CCDC159: variants seen among roughly 807,000 people sequenced by gnomAD.
The protein encoded by CCDC159 is coiled-coil domain containing 159.
CCDC159 carries 40 observed loss-of-function variants against 50.9 expected under a neutral mutation model. That is an observed-to-expected ratio of 0.79 (90% CI 0.61 to 1.02). CCDC159 has a LOEUF of 1.02. Ranked by LOEUF, CCDC159 falls within the 50% of genes least tolerant of loss-of-function variation. The pLI is 0.00. For missense variants in CCDC159, 356 were observed against 371.5 expected (o/e 0.96, Z 0.34); for synonymous variants, 146 against 138.9 (o/e 1.05, Z -0.36).
chr19:11,351,010 G>C lies in CCDC159; in HGVS notation c.422+7G>C. 6.5e-7 allele frequency: 1 copy of C among 1,540,292 alleles called. No individual in the cohort carries two copies. The highest frequency in any genetic ancestry group is 8.8e-7 in the Non-Finnish European group (1 of 1,140,402). On this transcript the variant is annotated splice_region_variant and intron_variant, in intron 5 of 10. Transcript: ENST00000458408. ...CCCAGGAGATCCGGGACAGGTCGGG[G>C]ATGGCGGGAGGGCAGCTTGGAGTCC...
At position 11,346,549 on chromosome 19, in the gene CCDC159, G is replaced by A; in HGVS notation, c.-58G>A. 5 of 1,544,846 alleles carry A rather than the reference G, an allele frequency of 3.2e-6. No individual in the cohort carries two copies. The highest frequency in any genetic ancestry group is 4.4e-6 in the Non-Finnish European group (5 of 1,140,892). On this transcript the variant is annotated 5_prime_UTR_variant, in exon 1 of 11. The change creates a new upstream start codon in the 5' untranslated region. Transcript: ENST00000458408. ...AGTCTCTGAGCGTTTTAATACGATGGTGTCCCCGCGGGATCAAACTTCAGC... is the reference window on the plus strand; with the variant it reads ...AGTCTCTGAGCGTTTTAATACGATGATGTCCCCGCGGGATCAAACTTCAGC...
Position 11,351,163 on chromosome 19 carries a change from G to A in CCDC159, c.422+160G>A, listed in dbSNP as rs563616650. ...ACAAGAAGAGGGAATGAGGCCGGGT[G>A]TGGTGGCTCATGCCTGTAATCCCAG... On this transcript the variant is annotated intron_variant, in intron 5 of 10. Coordinates refer to ENST00000458408, the MANE Select transcript of CCDC159 (RefSeq NM_001080503.3). 7.6e-5 allele frequency: 57 copies of A among 748,146 alleles called. No individual in the cohort carries two copies. The South Asian group carries it at 8.1e-4, about 11-fold the overall frequency. The allele number at this position is 748,146 out of a possible 1,614,324, so 46.3% of individuals were successfully genotyped here. A position where few individuals can be genotyped will look rare whatever the true frequency, so the allele number is the denominator to read the frequency against.
At position 11,346,553 on chromosome 19, in the gene CCDC159, C is replaced by A; in HGVS notation, c.-54C>A. The stretch of plus-strand genomic sequence containing the variant: ...TCTGAGCGTTTTAATACGATGGTGT[C>A]CCCGCGGGATCAAACTTCAGCGTCA... On this transcript the variant is annotated 5_prime_UTR_variant, in exon 1 of 11. Transcript: ENST00000458408. The A allele has an allele frequency of 6.5e-7, 1 of 1,546,772 alleles. No individual in the cohort carries two copies. The highest frequency in any genetic ancestry group is 8.8e-7 in the Non-Finnish European group (1 of 1,142,628).
At position 11,349,209 on chromosome 19, in the gene CCDC159, G is replaced by A. The variant is rs114375823; in HGVS notation, c.22-445G>A. ...AACGTAGCTAAGGTCACCCCCACCC[G>A]GGAAACCCCTTCAATGCAGAAAACC... On this transcript the variant is annotated intron_variant, in intron 1 of 10. Transcript: ENST00000458408. 6.3e-4 allele frequency: 831 copies of A among 1,312,910 alleles called. 7 individuals carry two copies. In the African/African-American group the frequency reaches 0.011, roughly 18 times the overall value. The allele number at this position is 1,312,910 out of a possible 1,614,324, so 81.3% of individuals were successfully genotyped here.
chr19:11,350,841 A>ACTCT lies in CCDC159; in HGVS notation c.260_261insCTCT (p.Lys87AsnfsTer33). ...AGCCCCACAGGCCGCCAGGGAGAGA[A>ACTCT]GGAGGAGCACAAGTGGGGCATGGAG... On this transcript the variant is annotated frameshift_variant, in exon 5 of 11. Coordinates refer to ENST00000458408, the MANE Select transcript of CCDC159 (RefSeq NM_001080503.3). LOFTEE classifies it high-confidence loss of function. The ACTCT allele has an allele frequency of 6.4e-7, 1 of 1,551,138 alleles. No homozygotes were observed. Among genetic ancestry groups the ACTCT allele is most frequent in the Non-Finnish European group, 8.7e-7 (1 of 1,147,728 alleles).
chr19:11,350,266 C>A, intron 4 of CCDC159, 67 bp downstream of exon 4: 1 of 1,411,684 alleles, frequency 7.1e-7, no homozygotes, highest in South Asian at 1.2e-5. Flanking sequence ...GTAATCCCAG[C>A]ATTTGGGGAG....
chr19:11,349,815 G>A, intron 2 of CCDC159, 123 bp from the exon 3 acceptor site: 1 of 1,181,880 alleles, frequency 8.5e-7, no homozygotes. Flanking sequence ...GGCTGAGTGG[G>A]CCCCTGTTCT....
rs1967780820 is a variant in CCDC159 at position 11,354,595 on chromosome 19, A to T, written c.788A>T (p.Gln263Leu). 6.4e-6 allele frequency: 10 copies of T among 1,574,516 alleles called. No homozygotes were observed. In the East Asian group the frequency reaches 2.3e-4, roughly 36 times the overall value. Residue 263 changes from glutamine (Q) to leucine (L), a missense_variant, in exon 10 of 11, where the codon CAG becomes CTG. Coordinates refer to ENST00000458408, the MANE Select transcript of CCDC159 (RefSeq NM_001080503.3). ...CCTCCTGCAGGCCACAAGGGGCACCAGTGCCTGAGCCCTCCACTCCCCTCC... is the reference window on the plus strand; with the variant it reads ...CCTCCTGCAGGCCACAAGGGGCACCTGTGCCTGAGCCCTCCACTCCCCTCC... ...ASSLRGHKGH[Q>L]CLSPPLPSWD...
intron 1 of CCDC159, chr19:11,349,261 G>C: frequency 9.5e-7 from 1 of 1,048,748 alleles, no homozygotes; most frequent in East Asian, 5.7e-5. Context: ...GTGGGGCTTA[G>C]GGAAGGGGCT....
At chr19:11,348,957 C>T (rs1599380112) in intron 1 of CCDC159, 1 of 1,346,342 alleles carries the variant, frequency 7.4e-7, no homozygotes, top group Non-Finnish European at 9.8e-7. Flanking sequence ...AGGAAGCCCT[C>T]ACCCCTAGGC....
chr19:11,352,236 C>A, intron 7 of CCDC159, 103 bp downstream of exon 7: 1 of 1,131,576 alleles, frequency 8.8e-7, no homozygotes, highest in Non-Finnish European at 1.3e-6. Context: ...CAAATCTCAG[C>A]TCTGCCACTC....
At chr19:11,352,232 T>C in intron 7 of CCDC159, 99 bp downstream of exon 7, 1 of 1,197,696 alleles carries the variant, frequency 8.3e-7, no homozygotes, top group African/African-American at 1.5e-5. Flanking sequence ...GGTTCAAATC[T>C]CAGCTCTGCC....
rs567032112 is a variant in CCDC159 at position 11,352,434 on chromosome 19, C to T, written c.567+301C>T. On this transcript the variant is annotated intron_variant, in intron 7 of 10. Coordinates refer to ENST00000458408, the MANE Select transcript of CCDC159 (RefSeq NM_001080503.3). ...CAGCCTGGCCAACATGATGAAACCC[C>T]GTCTATACTAAAAATACAAAAATTA... 5.3e-4 allele frequency: 193 copies of T among 363,940 alleles called. 4 individuals carry two copies. Among genetic ancestry groups the T allele is most frequent in the South Asian group, 3.8e-3 (150 of 39,106 alleles). 22.5% of individuals were successfully genotyped at this position (363,940 alleles called of 1,614,324 possible).
rs1967792877 is a variant in CCDC159 at position 11,354,714 on chromosome 19, T to C, written c.889+18T>C. On this transcript the variant is annotated intron_variant, in intron 10 of 10. Transcript: ENST00000458408. ...CCCACCCGGTGCAGATCCTCCCCAG[T>C]CCCCCCCTCCACCCATTTCCCTCCT... 1 of 1,602,668 alleles carries C rather than the reference T, an allele frequency of 6.2e-7. No individual in the cohort carries two copies. Among genetic ancestry groups the C allele is most frequent in the Admixed American group, 1.7e-5 (1 of 58,572 alleles).
At position 11,354,696 on chromosome 19, in the gene CCDC159, G is replaced by A. The variant is rs199507754; in HGVS notation, c.889G>A (p.Ala297Thr). ...CAAGAGCGGCCGCTCCTTCCCACCC[G>A]GTGCAGATCCTCCCCAGTCCCCCCC... ...FSKSGRSFPP[A>T] Residue 297 changes from alanine (A) to threonine (T), a missense_variant and splice_region_variant, in exon 10 of 11, where the codon GCT (alanine) becomes ACT (threonine). Coordinates refer to ENST00000458408, the MANE Select transcript of CCDC159 (RefSeq NM_001080503.3). 9.5e-5 allele frequency: 152 copies of A among 1,606,198 alleles called. No homozygotes were observed. The highest frequency in any genetic ancestry group is 3.7e-4 in the South Asian group (33 of 90,276).
chr19:11,352,358 G>A, intron 7 of CCDC159: 2 of 539,754 alleles, frequency 3.7e-6, no homozygotes, highest in South Asian at 2.0e-5. Flanking sequence ...GCTCACGCCT[G>A]TAATCCCAGC....
chr19:11,352,227 A>C, intron 7 of CCDC159, 94 bp downstream of exon 7: 4 of 1,252,306 alleles, frequency 3.2e-6, no homozygotes, highest in Non-Finnish European at 4.5e-6. Context: ...GCCTGGGTTC[A>C]AATCTCAGCT....
chr19:11,353,885 C>T lies in CCDC159; in HGVS notation c.772+11C>T. The T allele has an allele frequency of 6.4e-7, 1 of 1,554,770 alleles. No homozygotes were observed. The highest frequency in any genetic ancestry group is 1.2e-5 in the South Asian group (1 of 83,486). The stretch of plus-strand genomic sequence containing the variant: ...CCTCGAGCCTAAGAGGTGAGGGAGG[C>T]TGAGAATTGCTCAGGGGTGGGAGGT... On this transcript the variant is annotated intron_variant, in intron 9 of 10. Coordinates refer to ENST00000458408, the MANE Select transcript of CCDC159 (RefSeq NM_001080503.3).
chr19:11,352,916 C>T (rs1229764891), intron 7 of CCDC159, among the ~76,000 whole-genome samples: 1 of 151,910 alleles, frequency 6.6e-6, no homozygotes, highest in Non-Finnish European at 1.5e-5. Flanking sequence ...GGGCGACAGA[C>T]TGAGACCCTG....
Sources: gnomAD v4.1 joint callset for allele counts (sites outside exome capture counted in the v4.1 genomes callset) on GRCh38, gnomAD v4.1.1 for gene constraint, MANE v1.5 for transcripts, NCBI Gene and HGNC (gene_info 2026-07-23, HGNC 2026-07-21) for gene names.